Variants in PTPRG observed in about 807,000 individuals in gnomAD.
PTPRG encodes protein tyrosine phosphatase receptor type G.
A neutral mutation model predicts 165.3 loss-of-function variants in PTPRG; 102 were observed. The ratio of observed to expected loss-of-function variants is 0.62; its 90% CI spans 0.53 to 0.73. The LOEUF (loss-of-function observed/expected upper bound fraction) is 0.73, where lower values mean the gene tolerates loss of function less well. PTPRG is among the 30% of genes least tolerant of loss of function. PTPRG has a pLI of 0.00. For synonymous variants in PTPRG, 675 were observed against 669.5 expected, an observed-to-expected ratio of 1.01 and a Z score of -0.13; for missense variants, 1,866 against 1,861.4, an observed-to-expected ratio of 1.00 and a Z score of -0.05.
intron 2 of PTPRG, among the ~76,000 whole-genome samples, chr3:61,969,245 G>A (rs958282909): frequency 1.3e-5 from 2 of 152,146 alleles, no homozygotes; most frequent in Non-Finnish European, 2.9e-5. Flanking sequence ...GTCTCCAGTG[G>A]AGCAGAGAAC....
intron 28 of PTPRG, among the ~76,000 whole-genome samples, chr3:62,287,715 AT>A (rs752591920): frequency 1.3e-5 from 2 of 152,226 alleles, no homozygotes; most frequent in South Asian, 4.1e-4. Context: ...ACCAGGATAC[AT>A]TTGATCAGTA....
In PTPRG at chr3:61,587,091, T is replaced by C. The variant is rs537186011; in HGVS notation, c.85+24719T>C. Among the ~76,000 whole-genome samples, 10 of 152,326 alleles carry C rather than the reference T, an allele frequency of 6.6e-5. No individual in the cohort carries two copies. In the South Asian group the frequency reaches 1.4e-3, roughly 22 times the overall value. On this transcript the variant is annotated intron_variant, in intron 1 of 29. Coordinates refer to ENST00000474889, the MANE Select transcript of PTPRG (RefSeq NM_002841.4). ...AAATTAAGGGCCTATGGTGACAGTA[T>C]ACACAGTCTTGATGTTAGTTTATTT... is the stretch of plus-strand genomic sequence containing the variant.
chr3:61,953,924 G>C (rs1190934142), intron 2 of PTPRG, among the ~76,000 whole-genome samples: 1 of 152,172 alleles, frequency 6.6e-6, no homozygotes, highest in Admixed American at 6.5e-5. Flanking sequence ...TAGTGACTTT[G>C]TCACATGATT....
At chr3:62,089,497 A>G (rs1701860976) in intron 5 of PTPRG, among the ~76,000 whole-genome samples, 1 of 152,216 alleles carries the variant, frequency 6.6e-6, no homozygotes, top group Admixed American at 6.5e-5. Context: ...CATGATAGAA[A>G]TATTTTATCC....
intron 8 of PTPRG, among the ~76,000 whole-genome samples, chr3:62,169,238 G>A (rs149945650): frequency 3.5e-4 from 53 of 152,162 alleles, no homozygotes; most frequent in African/African-American, 1.3e-3. Flanking sequence ...GGAACTGCCC[G>A]CTTCTAGCCA....
At chr3:62,277,922 G>A (rs533639168) in intron 26 of PTPRG, among the ~76,000 whole-genome samples, 10 of 152,022 alleles carry the variant, frequency 6.6e-5, no homozygotes, top group East Asian at 3.9e-4. Context: ...TGTCTGTGGC[G>A]GTGTGGTAGA....
At chr3:61,710,600 A>G (rs1370259281) in intron 1 of PTPRG, among the ~76,000 whole-genome samples, 1 of 151,886 alleles carries the variant, frequency 6.6e-6, no homozygotes, top group Non-Finnish European at 1.5e-5. Context: ...TTAAAACATT[A>G]TGAGTTTTTT....
intron 3 of PTPRG, among the ~76,000 whole-genome samples, chr3:61,994,543 AACTATGTAT>A (rs2040974654): frequency 1.3e-5 from 2 of 152,160 alleles, no homozygotes; most frequent in Non-Finnish European, 1.5e-5. Context: ...ACGGGAGGGA[AACTATGTAT>A]AGATGGGGAA....
At chr3:62,064,858 G>A (rs1036215594) in intron 4 of PTPRG, among the ~76,000 whole-genome samples, 14 of 150,176 alleles carry the variant, frequency 9.3e-5, no homozygotes, top group South Asian at 4.2e-4. Context: ...TCGGCCTCCC[G>A]AGTAGCGTGA....
Position 61,857,437 on chromosome 3 carries a change from G to C in PTPRG, c.190+108455G>C, listed in dbSNP as rs760476752. Among the ~76,000 whole-genome samples the C allele has an allele frequency of 2.9e-4, 44 of 152,172 alleles. 1 individual carries two copies. Among genetic ancestry groups the C allele is most frequent in the Non-Finnish European group, 7.3e-5 (5 of 68,044 alleles). On this transcript the variant is annotated intron_variant, in intron 2 of 29. Coordinates refer to ENST00000474889, the MANE Select transcript of PTPRG (RefSeq NM_002841.4). ...AGACTTTGATTGATTAATGATGTCT[G>C]CCATGAATGGGATGGGTCAGGGAGT... is the stretch of plus-strand genomic sequence containing the variant.
intron 2 of PTPRG, among the ~76,000 whole-genome samples, chr3:61,802,935 G>A (rs977408585): frequency 6.6e-6 from 1 of 152,276 alleles, no homozygotes; most frequent in African/African-American, 2.4e-5. Context: ...GCACCTGGTA[G>A]GTTCATCTTC....
chr3:62,019,249 G>A (rs966825965), intron 4 of PTPRG, among the ~76,000 whole-genome samples: 1 of 152,218 alleles, frequency 6.6e-6, no homozygotes, highest in Non-Finnish European at 1.5e-5. Context: ...CAGGCCGGAT[G>A]TAGTAGCTCA....
intron 4 of PTPRG, among the ~76,000 whole-genome samples, chr3:62,060,575 A>G (rs1443957605): frequency 6.6e-6 from 1 of 152,238 alleles, no homozygotes; most frequent in African/African-American, 2.4e-5. Context: ...TCTGTATGTC[A>G]GTATTTAGTA....
chr3:62,025,168 T>A (rs902656495), intron 4 of PTPRG, among the ~76,000 whole-genome samples: 1 of 152,172 alleles, frequency 6.6e-6, no homozygotes, highest in African/African-American at 2.4e-5. Flanking sequence ...TTTTAATATG[T>A]GGTGTCTTAG....
At chr3:61,923,430 A>G (rs950057976) in intron 2 of PTPRG, among the ~76,000 whole-genome samples, 3 of 151,816 alleles carry the variant, frequency 2.0e-5, no homozygotes, top group Non-Finnish European at 2.9e-5. Flanking sequence ...ATTATACTTC[A>G]AGTTTTAGGG....
intron 4 of PTPRG, among the ~76,000 whole-genome samples, chr3:62,033,635 G>A (rs775243117): frequency 2.0e-5 from 3 of 149,072 alleles, no homozygotes; most frequent in Non-Finnish European, 4.4e-5. Flanking sequence ...AAAATGTTGT[G>A]ATGACAGGCA....
intron 6 of PTPRG, among the ~76,000 whole-genome samples, chr3:62,145,146 A>G (rs182983656): frequency 1.1e-4 from 16 of 152,312 alleles, no homozygotes; most frequent in Admixed American, 9.8e-4. Context: ...GACAGACACT[A>G]TTGCGTAGTG....
intron 1 of PTPRG, among the ~76,000 whole-genome samples, chr3:61,701,997 G>C (rs1022818737): frequency 6.6e-5 from 10 of 151,758 alleles, no homozygotes; most frequent in Non-Finnish European, 1.3e-4. Context: ...TTTATTTTTT[G>C]AGACAGGGTC....
At chr3:61,814,660 T>A (rs2107227321) in intron 2 of PTPRG, among the ~76,000 whole-genome samples, 1 of 151,990 alleles carries the variant, frequency 6.6e-6, no homozygotes, top group Non-Finnish European at 1.5e-5. Flanking sequence ...GCTGCTTTAT[T>A]TCATGCATAA....
Sources: allele counts gnomAD v4.1 joint callset (sites outside exome capture counted in the v4.1 genomes callset), GRCh38; gene constraint gnomAD v4.1.1; transcripts MANE v1.5; gene names NCBI Gene and HGNC (gene_info 2026-07-23, HGNC 2026-07-21).